Variants in GPC5 observed in about 807,000 individuals in gnomAD.
GPC5 encodes the protein glypican-5.
GPC5 carries 47 observed loss-of-function variants against 53.9 expected under a neutral mutation model. That is an observed-to-expected ratio of 0.87 (90% CI 0.69 to 1.11). GPC5 has a LOEUF of 1.11. Among genes scored for constraint, GPC5 ranks in the 50% most tolerant of loss-of-function variants. The pLI is 0.00. For synonymous variants in GPC5, 286 were observed against 263.3 expected (o/e 1.09, Z -0.84); for missense variants, 748 against 713.1 (o/e 1.05, Z -0.56).
intron 4 of GPC5, among the ~76,000 whole-genome samples, chr13:91,748,798 G>A (rs1383019887): frequency 6.6e-6 from 1 of 152,132 alleles, no homozygotes; most frequent in Non-Finnish European, 1.5e-5. Context: ...CTTGAAGGAT[G>A]GGTAGAAAGT....
intron 6 of GPC5, among the ~76,000 whole-genome samples, chr13:91,936,128 A>ATAT (rs2039868923): frequency 6.6e-6 from 1 of 152,110 alleles, no homozygotes; most frequent in South Asian, 2.1e-4. Context: ...TAGGATAAGC[A>ATAT]AACTGTTATA....
At chr13:91,531,417 G>C (rs115137216) in intron 2 of GPC5, among the ~76,000 whole-genome samples, 19 of 152,152 alleles carry the variant, frequency 1.2e-4, no homozygotes, top group African/African-American at 4.3e-4. Context: ...GACTTTCTTT[G>C]AGCTATGGGG....
intron 7 of GPC5, among the ~76,000 whole-genome samples, chr13:92,608,097 A>C (rs1481669440): frequency 6.6e-5 from 10 of 152,222 alleles, no homozygotes; most frequent in Non-Finnish European, 1.5e-4. Flanking sequence ...TATAACATAC[A>C]AAATATGTGT....
At chr13:91,998,572 A>C (rs1281545747) in intron 6 of GPC5, among the ~76,000 whole-genome samples, 1 of 152,164 alleles carries the variant, frequency 6.6e-6, no homozygotes, top group Non-Finnish European at 1.5e-5. Flanking sequence ...TCACCATAGA[A>C]CCACCTGTTA....
chr13:92,821,541 A>G (rs1877675194), intron 7 of GPC5, among the ~76,000 whole-genome samples: 1 of 152,142 alleles, frequency 6.6e-6, no homozygotes, highest in South Asian at 2.1e-4. Flanking sequence ...CTTTGCAACA[A>G]GCAGCTAGTA....
chr13:91,920,813 A>G (rs987797984), intron 6 of GPC5, among the ~76,000 whole-genome samples: 1 of 151,706 alleles, frequency 6.6e-6, no homozygotes, highest in African/African-American at 2.4e-5. Context: ...GAAAGCATGT[A>G]CTCAGTTAAA....
chr13:92,314,240 C>T (rs2043164091), intron 7 of GPC5, among the ~76,000 whole-genome samples: 1 of 152,012 alleles, frequency 6.6e-6, no homozygotes, highest in South Asian at 2.1e-4. Flanking sequence ...TCTCTTAATC[C>T]CTTTTGTCAC....
At chr13:92,503,153 A>C (rs1880250665) in intron 7 of GPC5, among the ~76,000 whole-genome samples, 1 of 151,930 alleles carries the variant, frequency 6.6e-6, no homozygotes, top group Non-Finnish European at 1.5e-5. Flanking sequence ...TATAGTGATG[A>C]AGTCTTGGCT....
chr13:92,011,830 G>A (rs776921407), intron 6 of GPC5, among the ~76,000 whole-genome samples: 5 of 152,186 alleles, frequency 3.3e-5, no homozygotes, highest in Admixed American at 6.5e-5. Context: ...TACAAATTGA[G>A]TGGACACTGA....
chr13:92,223,236 G>C (rs903155453), intron 7 of GPC5, among the ~76,000 whole-genome samples: 2 of 152,164 alleles, frequency 1.3e-5, no homozygotes, highest in African/African-American at 2.4e-5. Context: ...AACTTGAAAG[G>C]CTTCTTACTC....
chr13:91,659,795 G>T (rs1158285117), intron 2 of GPC5, among the ~76,000 whole-genome samples: 2 of 152,170 alleles, frequency 1.3e-5, no homozygotes, highest in Non-Finnish European at 2.9e-5. Flanking sequence ...ACACCTCTGT[G>T]TAACACCCTC....
At chr13:92,107,034 A>G (rs2041515673) in intron 6 of GPC5, among the ~76,000 whole-genome samples, 2 of 152,090 alleles carry the variant, frequency 1.3e-5, no homozygotes. Context: ...CACTTAATAT[A>G]TTTTCCTATC....
rs9556197 is a variant in GPC5, at chr13:92,630,413, A to G, written c.1562-235869A>G. Among the ~76,000 whole-genome samples, 104 of 152,310 alleles carry G rather than the reference A, an allele frequency of 6.8e-4. 1 individual carries two copies. In the East Asian group the frequency reaches 0.018, roughly 26 times the overall value. Reference sequence around the variant, plus strand: ...AAATGCAAACTATTCTTATTAGCACATTATTATTTTTTACTCATTTACTTT... The same window carrying G: ...AAATGCAAACTATTCTTATTAGCACGTTATTATTTTTTACTCATTTACTTT... On this transcript the variant is annotated intron_variant, in intron 7 of 7. Transcript: ENST00000377067.
intron 3 of GPC5, among the ~76,000 whole-genome samples, chr13:91,710,958 G>C (rs1456635745): frequency 6.6e-6 from 1 of 152,180 alleles, no homozygotes; most frequent in African/African-American, 2.4e-5. Flanking sequence ...CATGTCAAAG[G>C]CTCTAAGAAA....
intron 7 of GPC5, among the ~76,000 whole-genome samples, chr13:92,478,862 G>A (rs541196611): frequency 6.6e-6 from 1 of 152,088 alleles, no homozygotes; most frequent in African/African-American, 2.4e-5. Context: ...TTTAATATAT[G>A]CATTATGTGC....
chr13:92,304,344 A>C (rs1050347449), intron 7 of GPC5, among the ~76,000 whole-genome samples: 1 of 151,842 alleles, frequency 6.6e-6, no homozygotes, highest in African/African-American at 2.4e-5. Flanking sequence ...AGCTGGGACT[A>C]TAGGCGCCTG....
chr13:91,473,286 T>C (rs1882743032), intron 2 of GPC5, among the ~76,000 whole-genome samples: 1 of 151,944 alleles, frequency 6.6e-6, no homozygotes, highest in South Asian at 2.1e-4. Context: ...GAGATTTGGG[T>C]GGGGACACAG....
At chr13:92,605,732 G>GGCGCCCGCCACC (rs1231812729) in intron 7 of GPC5, among the ~76,000 whole-genome samples, 1 of 152,036 alleles carries the variant, frequency 6.6e-6, no homozygotes, top group East Asian at 1.9e-4. Context: ...TGGGACTACA[G>GGCGCCCGCCACC]GCGCCCGCCA....
chr13:91,435,919 G>A (rs111687342), intron 1 of GPC5, among the ~76,000 whole-genome samples: 2 of 152,012 alleles, frequency 1.3e-5, no homozygotes, highest in African/African-American at 2.4e-5. Flanking sequence ...GTCTTGGGAG[G>A]GTGTATGTGT....
Sources: allele counts gnomAD v4.1 joint callset (sites outside exome capture counted in the v4.1 genomes callset), GRCh38; gene constraint gnomAD v4.1.1; transcripts MANE v1.5; gene names NCBI Gene and HGNC (gene_info 2026-07-23, HGNC 2026-07-21).